Variants in ZFYVE9 observed in about 807,000 individuals in gnomAD.
The protein encoded by ZFYVE9 is zinc finger FYVE domain-containing protein 9.
A neutral mutation model predicts 126.7 loss-of-function variants in ZFYVE9; 43 were observed. The observed-to-expected ratio is 0.34, with a 90% CI of 0.27 to 0.44. The LOEUF (loss-of-function observed/expected upper bound fraction) is 0.44. ZFYVE9 is among the 20% of genes least tolerant of loss of function. ZFYVE9 has a pLI of 1.00. For synonymous variants in ZFYVE9, 521 were observed against 597.4 expected (o/e 0.87, Z 1.87); for missense variants, 1,476 against 1,697.0 (o/e 0.87, Z 2.29).
chr1:52,339,291 C>CTT (rs536116273), intron 16 of ZFYVE9, among the ~76,000 whole-genome samples: 9 of 143,834 alleles, frequency 6.3e-5, no homozygotes, highest in Non-Finnish European at 7.7e-5. Flanking sequence ...CAAATAATTC[C>CTT]TTTTTTTTTT....
chr1:52,227,024 G>A (rs573650813), intron 2 of ZFYVE9, among the ~76,000 whole-genome samples: 1 of 152,166 alleles, frequency 6.6e-6, no homozygotes, highest in African/African-American at 2.4e-5. Context: ...TTCAGAAGGG[G>A]TAGAAAATGG....
intron 13 of ZFYVE9, among the ~76,000 whole-genome samples, chr1:52,323,794 A>G (rs1646263785): frequency 6.6e-6 from 1 of 152,020 alleles, no homozygotes. Flanking sequence ...ACATGCCTAT[A>G]ATCCCAGCTA....
At chr1:52,255,812 A>T (rs953183026) in intron 4 of ZFYVE9, among the ~76,000 whole-genome samples, 3 of 151,984 alleles carry the variant, frequency 2.0e-5, no homozygotes, top group African/African-American at 7.2e-5. Context: ...CCGAGATTGC[A>T]TCACTGCACT....
At chr1:52,228,222 G>C (rs1645186744) in intron 2 of ZFYVE9, among the ~76,000 whole-genome samples, 1 of 152,078 alleles carries the variant, frequency 6.6e-6, no homozygotes, top group Non-Finnish European at 1.5e-5. Flanking sequence ...GGGATTACAG[G>C]CATGTGTCAC....
intron 13 of ZFYVE9, among the ~76,000 whole-genome samples, chr1:52,327,631 T>C (rs1646304884): frequency 6.7e-6 from 1 of 150,032 alleles, no homozygotes; most frequent in South Asian, 2.1e-4. Flanking sequence ...ATGCTGAAAT[T>C]GGCATTTTCA....
intron 1 of ZFYVE9, among the ~76,000 whole-genome samples, chr1:52,203,338 C>T (rs1274134867): frequency 6.6e-6 from 1 of 151,772 alleles, no homozygotes; most frequent in Non-Finnish European, 1.5e-5. Flanking sequence ...TGCGCCACTA[C>T]CGTCCGGCTA....
intron 3 of ZFYVE9, among the ~76,000 whole-genome samples, chr1:52,235,218 A>G (rs1186113754): frequency 6.6e-6 from 1 of 152,208 alleles, no homozygotes; most frequent in East Asian, 1.9e-4. Flanking sequence ...ATTAAAAACT[A>G]TCACTTCAAG....
intron 17 of ZFYVE9, among the ~76,000 whole-genome samples, chr1:52,343,764 A>G (rs981322236): frequency 2.2e-5 from 3 of 134,400 alleles, no homozygotes; most frequent in Admixed American, 2.2e-4. Context: ...ACTCCATCTC[A>G]AAAAAAAAAT....
intron 1 of ZFYVE9, among the ~76,000 whole-genome samples, chr1:52,192,457 T>G (rs1423937785): frequency 1.3e-5 from 2 of 152,240 alleles, no homozygotes; most frequent in African/African-American, 4.8e-5. Context: ...TGGCTTATAC[T>G]GTCAGTTGCT....
At position 52,272,673 on chromosome 1, in the gene ZFYVE9, CTTTTTTTTTTTT is replaced by C. The variant is rs58857376; in HGVS notation, c.2626-1782_2626-1771del. On this transcript the variant is annotated intron_variant, in intron 7 of 18. Coordinates refer to ENST00000287727, the MANE Select transcript of ZFYVE9 (RefSeq NM_004799.4). Reference sequence around the variant, plus strand: ...ATGAAATGAAGCTGCTAGAAATAATCTTTTTTTTTTTTTTTTTTTTGAGTCTCGCTCTGTTGC... The same window carrying C: ...ATGAAATGAAGCTGCTAGAAATAATCTTTTTTTTGAGTCTCGCTCTGTTGC... Among the ~76,000 whole-genome samples the C allele has an allele frequency of 2.5e-5, 3 of 121,262 alleles. No homozygotes were observed. In the East Asian group the frequency reaches 7.1e-4, roughly 29 times the overall value. 79.6% of individuals were successfully genotyped at this position (121,262 alleles called of 152,430 possible).
chr1:52,341,455 T>G (rs768313845), intron 17 of ZFYVE9, among the ~76,000 whole-genome samples: 4 of 152,132 alleles, frequency 2.6e-5, no homozygotes, highest in Non-Finnish European at 4.4e-5. Flanking sequence ...GATCAGAAAG[T>G]TTATTCTCTT....
chr1:52,177,302 A>G (rs1241236378), intron 1 of ZFYVE9, among the ~76,000 whole-genome samples: 1 of 152,112 alleles, frequency 6.6e-6, no homozygotes, highest in Non-Finnish European at 1.5e-5. Flanking sequence ...GGCATGAGCT[A>G]CCAACCTGGC....
chr1:52,188,894 G>A (rs1572086896), intron 1 of ZFYVE9, among the ~76,000 whole-genome samples: 1 of 152,126 alleles, frequency 6.6e-6, no homozygotes, highest in Middle Eastern at 3.4e-3. Flanking sequence ...AGTTTTCACA[G>A]TCATGCGGTA....
At position 52,237,543 on chromosome 1, in the gene ZFYVE9, C is replaced by G. The variant is rs1645284453; in HGVS notation, c.126C>G (p.Pro42=). 1 of 1,613,884 alleles carries G rather than the reference C, an allele frequency of 6.2e-7. No individual in the cohort carries two copies. The highest frequency in any genetic ancestry group is 8.5e-7 in the Non-Finnish European group (1 of 1,179,854). ...LDTKWNKILD[P]PSHRLSFNPT... Reference sequence around the variant, plus strand: ...CAAAGTGGAATAAGATTCTAGATCCCCCTTCTCACCGGCTGTCATTTAACC... The same window carrying G: ...CAAAGTGGAATAAGATTCTAGATCCGCCTTCTCACCGGCTGTCATTTAACC... Residue 42 remains proline (P), a synonymous_variant, in exon 4 of 19, where the codon CCC becomes CCG. Transcript: ENST00000287727.
At position 52,344,844 on chromosome 1, in the gene ZFYVE9, T is replaced by C. The variant is rs758724797; in HGVS notation, c.4016T>C (p.Val1339Ala). 2.5e-6 allele frequency: 4 copies of C among 1,614,234 alleles called. No homozygotes were observed. The highest frequency in any genetic ancestry group is 3.4e-6 in the Non-Finnish European group (4 of 1,180,042). The change falls in exon 18 of 19, where the codon GTT becomes GCT. Residue 1339 changes from valine to alanine, a missense_variant. Val to Ala is a moderately conservative substitution (Grantham distance 64). This residue lies in a region of ZFYVE9 where 669 missense variants were observed against 902.4 expected (regional missense o/e 0.74). Coordinates refer to ENST00000287727, the MANE Select transcript of ZFYVE9 (RefSeq NM_004799.4). ...GATCACAGTAGATTGACTGAGCATGTTGCCAAAGCTTTTTGCCTTGCTCTC... is the reference window on the plus strand; with the variant it reads ...GATCACAGTAGATTGACTGAGCATGCTGCCAAAGCTTTTTGCCTTGCTCTC... Reference protein sequence around the residue: ...PADHSRLTEHVAKAFCLALCP... With the variant: ...PADHSRLTEHAAKAFCLALCP...
At chr1:52,271,625 A>G (rs1166801751) in intron 7 of ZFYVE9, among the ~76,000 whole-genome samples, 1 of 152,076 alleles carries the variant, frequency 6.6e-6, no homozygotes, top group African/African-American at 2.4e-5. Context: ...TAAAAGGAGG[A>G]TTTTTGCACC....
At chr1:52,329,112 A>G (rs1401341026) in intron 13 of ZFYVE9, among the ~76,000 whole-genome samples, 1 of 152,220 alleles carries the variant, frequency 6.6e-6, no homozygotes, top group Non-Finnish European at 1.5e-5. Context: ...TAATATTGTT[A>G]AGATGTCAAT....
intron 12 of ZFYVE9, among the ~76,000 whole-genome samples, chr1:52,299,469 G>A (rs1221143172): frequency 6.6e-6 from 1 of 152,230 alleles, no homozygotes; most frequent in Non-Finnish European, 1.5e-5. Flanking sequence ...GGGCATCCAT[G>A]TCTTGTTCCT....
chr1:52,289,242 T>C (rs1169438696), intron 10 of ZFYVE9, among the ~76,000 whole-genome samples: 1 of 152,152 alleles, frequency 6.6e-6, no homozygotes, highest in Non-Finnish European at 1.5e-5. Flanking sequence ...GCTTTCTGCT[T>C]TCTAGGTTTT....
Sources: gnomAD v4.1 joint callset for allele counts (sites outside exome capture counted in the v4.1 genomes callset) on GRCh38, gnomAD v4.1.1 for gene constraint, gnomAD v4.1.1 regional missense constraint, MANE v1.5 for transcripts, NCBI Gene and HGNC (gene_info 2026-07-23, HGNC 2026-07-21) for gene names.